Variants in ENPEP observed in about 807,000 individuals in gnomAD.
The protein encoded by ENPEP is glutamyl aminopeptidase.
A neutral mutation model predicts 114.5 loss-of-function variants in ENPEP; 103 were observed. The observed-to-expected ratio is 0.90, with a 90% CI of 0.77 to 1.06. The LOEUF (loss-of-function observed/expected upper bound fraction) is 1.06. ENPEP is among the 50% of genes least tolerant of loss of function. The pLI is 0.00. For synonymous variants in ENPEP, 420 were observed against 422.0 expected, an observed-to-expected ratio of 1.00 and a Z score of 0.06; for missense variants, 1,196 against 1,161.3, an observed-to-expected ratio of 1.03 and a Z score of -0.43.
At chr4:110,522,810 C>T (rs891362129) in intron 10 of ENPEP, among the ~76,000 whole-genome samples, 43 of 152,256 alleles carry the variant, frequency 2.8e-4, no homozygotes, top group African/African-American at 9.6e-4. Context: ...ACATTAAAGA[C>T]GCTTTCAGAA....
At chr4:110,545,302 T>A (rs1177825136) in intron 13 of ENPEP, among the ~76,000 whole-genome samples, 1 of 152,146 alleles carries the variant, frequency 6.6e-6, no homozygotes, top group Non-Finnish European at 1.5e-5. Context: ...GAAGAGGTAG[T>A]ACTCCTACTG....
rs1727200111 is a variant in ENPEP at position 110,549,438 on chromosome 4, C to T, written c.2225+19C>T. ...TCACAAAGTTATTCTCACTTTTTAA[C>T]AACTAAAATTCATTTAACATTTGTT... is the stretch of plus-strand genomic sequence containing the variant. On this transcript the variant is annotated intron_variant, in intron 15 of 19. Transcript: ENST00000265162. The T allele has an allele frequency of 2.5e-6, 4 of 1,612,544 alleles. No individual in the cohort carries two copies. The highest frequency in any genetic ancestry group is 1.7e-5 in the Admixed American group (1 of 59,824).
intron 3 of ENPEP, among the ~76,000 whole-genome samples, chr4:110,499,242 A>G (rs1311265052): frequency 6.6e-6 from 1 of 152,246 alleles, no homozygotes; most frequent in Non-Finnish European, 1.5e-5. Flanking sequence ...GATGGGACAC[A>G]TAGAACTATT....
At position 110,543,034 on chromosome 4, in the gene ENPEP, G is replaced by A. The variant is rs142728357; in HGVS notation, c.1964G>A (p.Arg655His). 77 of 1,612,986 alleles carry A rather than the reference G, an allele frequency of 4.8e-5. No homozygotes were observed. In the East Asian group the frequency reaches 1.0e-3, roughly 21 times the overall value. The change falls in exon 13 of 20, where the codon CGT (arginine) becomes CAT (histidine). Residue 655 changes from arginine (R) to histidine (H), a missense_variant. Arg to His is a conservative substitution (Grantham distance 29). Transcript: ENST00000265162. ...LNHKTFSSAD[R>H]ASLIDDAFAL... ...TCCCAGACATTTTCTTCAGCAGATC[G>A]TGCAAGTCTTATTGATGATGCTTTT...
chr4:110,499,437 T>A (rs1425610523), intron 3 of ENPEP, among the ~76,000 whole-genome samples: 1 of 152,204 alleles, frequency 6.6e-6, no homozygotes, highest in Non-Finnish European at 1.5e-5. Context: ...GTCTTAGACT[T>A]CATTTTTCTC....
chr4:110,493,996 A>G (rs1163517898), intron 3 of ENPEP, among the ~76,000 whole-genome samples: 1 of 152,250 alleles, frequency 6.6e-6, no homozygotes, highest in Non-Finnish European at 1.5e-5. Context: ...TGGAGAAACA[A>G]AAGAGAATCC....
chr4:110,536,735 C>T (rs1726647536), intron 11 of ENPEP, among the ~76,000 whole-genome samples: 1 of 152,188 alleles, frequency 6.6e-6, no homozygotes, highest in Non-Finnish European at 1.5e-5. Flanking sequence ...CTCTCCTTTG[C>T]AGTTATTTTT....
chr4:110,505,401 A>G (rs1164779375), intron 3 of ENPEP, among the ~76,000 whole-genome samples: 1 of 152,148 alleles, frequency 6.6e-6, no homozygotes, highest in Non-Finnish European at 1.5e-5. Flanking sequence ...TATTTATGCA[A>G]ATAAAGCAAG....
chr4:110,496,681 T>A (rs1724952211), intron 3 of ENPEP, among the ~76,000 whole-genome samples: 1 of 152,220 alleles, frequency 6.6e-6, no homozygotes, highest in South Asian at 2.1e-4. Context: ...TTTTTAAGAG[T>A]ACTGTTCAGG....
chr4:110,554,665 C>G (rs1387445407), intron 18 of ENPEP, among the ~76,000 whole-genome samples: 1 of 151,912 alleles, frequency 6.6e-6, no homozygotes, highest in Non-Finnish European at 1.5e-5. Context: ...CTAGATGTAA[C>G]AGTTTATATC....
chr4:110,481,356 C>G (rs951949327), intron 1 of ENPEP, among the ~76,000 whole-genome samples: 6 of 151,676 alleles, frequency 4.0e-5, no homozygotes, highest in African/African-American at 1.5e-4. Flanking sequence ...CTCAGCTTTC[C>G]GAGTAGCTGG....
chr4:110,551,475 A>T (rs906963840), intron 17 of ENPEP, among the ~76,000 whole-genome samples: 2 of 152,200 alleles, frequency 1.3e-5, no homozygotes, highest in Non-Finnish European at 2.9e-5. Flanking sequence ...AGTTTCAAAT[A>T]ATGACTGGAG....
intron 11 of ENPEP, among the ~76,000 whole-genome samples, chr4:110,539,887 A>T (rs1437582332): frequency 6.6e-6 from 1 of 152,142 alleles, no homozygotes; most frequent in Non-Finnish European, 1.5e-5. Flanking sequence ...AATTATTTAT[A>T]ATAGATAGTA....
At chr4:110,492,867 AATTGCATG>A (rs994833768) in intron 3 of ENPEP, among the ~76,000 whole-genome samples, 2 of 152,198 alleles carry the variant, frequency 1.3e-5, no homozygotes, top group Non-Finnish European at 2.9e-5. Flanking sequence ...TTGACAATTC[AATTGCATG>A]ACTGTCTTTC....
chr4:110,511,745 A>G (rs1310507178), intron 6 of ENPEP, among the ~76,000 whole-genome samples: 1 of 150,734 alleles, frequency 6.6e-6, no homozygotes, highest in African/African-American at 2.5e-5. Flanking sequence ...TCATTCCTTC[A>G]TCTATTCATT....
Position 110,550,752 on chromosome 4 carries a change from T to A in ENPEP, c.2501+866T>A, listed in dbSNP as rs529393368. 5.3e-5 allele frequency among the ~76,000 whole-genome samples: 8 copies of A among 152,204 alleles called. No homozygotes were observed. The South Asian group carries it at 1.5e-3, about 28-fold the overall frequency. The stretch of plus-strand genomic sequence containing the variant: ...TGTGGAAATAAAAATGAATAAAACA[T>A]GAATAAAAATGACATCTATCCTTGA... On this transcript the variant is annotated intron_variant, in intron 17 of 19. Coordinates refer to ENST00000265162, the MANE Select transcript of ENPEP (RefSeq NM_001977.4).
rs531512685 is a variant in ENPEP at position 110,510,262 on chromosome 4, G to C, written c.1212G>C (p.Val404=). ...ELVHQWFGNI[V]TMDWWEDLWL... ...AATTTCAGTGGTTTGGAAATATTGT[G>C]ACCATGGACTGGTGGGAAGACTTGT... Residue 404 remains valine (V), a synonymous_variant, in exon 6 of 20, where the codon GTG becomes GTC. Transcript: ENST00000265162. 3 of 1,613,986 alleles carry C rather than the reference G, an allele frequency of 1.9e-6. No homozygotes were observed. The African/African-American group carries it at 4.0e-5, about 22-fold the overall frequency.
intron 13 of ENPEP, among the ~76,000 whole-genome samples, chr4:110,544,422 T>C (rs1726973020): frequency 6.6e-6 from 1 of 152,110 alleles, no homozygotes. Flanking sequence ...GTTTTGTAGC[T>C]AATAGAAAAT....
chr4:110,498,567 C>T (rs1578396005), intron 3 of ENPEP, among the ~76,000 whole-genome samples: 1 of 152,206 alleles, frequency 6.6e-6, no homozygotes, highest in East Asian at 1.9e-4. Flanking sequence ...CTGGGCAAAC[C>T]TGAATGTATG....
Sources: allele counts gnomAD v4.1 joint callset (sites outside exome capture counted in the v4.1 genomes callset), GRCh38; gene constraint gnomAD v4.1.1; transcripts MANE v1.5; gene names NCBI Gene and HGNC (gene_info 2026-07-23, HGNC 2026-07-21).